The following FCHSD2 variants were observed in gnomAD, a reference collection of about 807,000 sequenced individuals.
FCHSD2 encodes the protein FCH and double SH3 domains 2.
FCHSD2 carries 38 observed loss-of-function variants against 108.1 expected under a neutral mutation model. The observed-to-expected ratio is 0.35, with a 90% CI of 0.27 to 0.46. The LOEUF is 0.46. Ranked by LOEUF, FCHSD2 falls within the 20% of genes least tolerant of loss-of-function variation. The pLI, the probability that FCHSD2 is intolerant of heterozygous loss-of-function variation, is 1.00. For missense variants in FCHSD2, 751 were observed against 897.8 expected, an observed-to-expected ratio of 0.84 and a Z score of 2.09; for synonymous variants, 279 against 314.7, an observed-to-expected ratio of 0.89 and a Z score of 1.20.
At chr11:72,996,088 G>A (rs2135412406) in intron 5 of FCHSD2, among the ~76,000 whole-genome samples, 1 of 152,236 alleles carries the variant, frequency 6.6e-6, no homozygotes, top group South Asian at 2.1e-4. Context: ...AAAGGAGTAA[G>A]AGAATTAAGT....
intron 3 of FCHSD2, among the ~76,000 whole-genome samples, chr11:73,071,277 A>G (rs1004257022): frequency 6.6e-6 from 1 of 152,164 alleles, no homozygotes; most frequent in African/African-American, 2.4e-5. Context: ...GAAATCTATA[A>G]TGGAGGCTGT....
intron 13 of FCHSD2, among the ~76,000 whole-genome samples, chr11:72,854,013 A>C (rs1297230631): frequency 6.6e-6 from 1 of 152,218 alleles, no homozygotes; most frequent in Non-Finnish European, 1.5e-5. Context: ...TCAAAACCAC[A>C]ATGAGATACC....
intron 3 of FCHSD2, among the ~76,000 whole-genome samples, chr11:73,035,529 CT>C (rs1858471878): frequency 6.6e-6 from 1 of 152,058 alleles, no homozygotes; most frequent in South Asian, 2.1e-4. Context: ...ATAGTACCTA[CT>C]TCATTGTTGC....
chr11:72,972,595 T>G (rs1317700092), intron 8 of FCHSD2, among the ~76,000 whole-genome samples: 2 of 152,250 alleles, frequency 1.3e-5, no homozygotes, highest in African/African-American at 2.4e-5. Context: ...GTTGTTCAAC[T>G]GCTAAAAATA....
intron 9 of FCHSD2, among the ~76,000 whole-genome samples, chr11:72,907,742 C>T (rs1320001367): frequency 6.6e-6 from 1 of 151,898 alleles, no homozygotes; most frequent in East Asian, 1.9e-4. Context: ...AGGCACCCGC[C>T]ACCACGCCTG....
At chr11:73,068,813 T>TAAAAAAAAAA (rs1237723120) in intron 3 of FCHSD2, among the ~76,000 whole-genome samples, 8 of 82,926 alleles carry the variant, frequency 9.6e-5, no homozygotes, top group Admixed American at 1.5e-4. Context: ...CTACAAAAAG[T>TAAAAAAAAAA]AAAAAAAAAA....
intron 9 of FCHSD2, among the ~76,000 whole-genome samples, chr11:72,904,874 G>A (rs995515180): frequency 6.6e-6 from 1 of 152,080 alleles, no homozygotes; most frequent in Non-Finnish European, 1.5e-5. Context: ...CTGTAGTCTG[G>A]GAAGAAATGA....
chr11:73,060,913 G>A (rs753038902), intron 3 of FCHSD2, among the ~76,000 whole-genome samples: 3 of 152,200 alleles, frequency 2.0e-5, no homozygotes, highest in Non-Finnish European at 4.4e-5. Context: ...AGATTCCCGT[G>A]TTCATGAAGG....
chr11:72,966,041 T>A (rs1422735999), intron 8 of FCHSD2, among the ~76,000 whole-genome samples: 1 of 152,220 alleles, frequency 6.6e-6, no homozygotes, highest in Non-Finnish European at 1.5e-5. Flanking sequence ...TGTTTATGGA[T>A]AAATTCCTGT....
At chr11:73,052,907 T>C (rs757913839) in intron 3 of FCHSD2, among the ~76,000 whole-genome samples, 1 of 152,092 alleles carries the variant, frequency 6.6e-6, no homozygotes. Flanking sequence ...AGAGCAGTGG[T>C]GTGGTGTCAG....
chr11:72,913,821 A>AC lies in FCHSD2; in HGVS notation c.828+8006dup, dbSNP rs201639046. Among the ~76,000 whole-genome samples the AC allele has an allele frequency of 5.1e-3, 739 of 144,542 alleles. 5 individuals carry two copies. The highest frequency in any genetic ancestry group is 0.014 in the African/African-American group (538 of 37,878). The allele number at this position is 144,542 out of a possible 152,430, so 94.8% of individuals were successfully genotyped here. On this transcript the variant is annotated intron_variant, in intron 9 of 19. Transcript: ENST00000409418. ...CTGATATACAAAAAAACCAAAAAAAACCCAAAAAAAAAACAAAAAAAAAAA... is the reference window on the plus strand; with the variant it reads ...CTGATATACAAAAAAACCAAAAAAAACCCCAAAAAAAAAACAAAAAAAAAAA...
intron 8 of FCHSD2, among the ~76,000 whole-genome samples, chr11:72,954,707 G>A (rs1856680037): frequency 6.6e-6 from 1 of 152,100 alleles, no homozygotes; most frequent in African/African-American, 2.4e-5. Flanking sequence ...GTCAGGAGAT[G>A]AGTAGTGTAC....
chr11:72,849,573 G>A (rs1308974280), intron 14 of FCHSD2, among the ~76,000 whole-genome samples, 182 bp downstream of exon 14: 1 of 152,174 alleles, frequency 6.6e-6, no homozygotes, highest in African/African-American at 2.4e-5. Flanking sequence ...CTAGGCAGAC[G>A]GAGTAGCAAG....
chr11:73,070,624 C>T (rs1000673853), intron 3 of FCHSD2, among the ~76,000 whole-genome samples: 10 of 151,918 alleles, frequency 6.6e-5, no homozygotes, highest in African/African-American at 2.4e-4. Context: ...TGGGGTTTCA[C>T]CATGCTGGCC....
intron 9 of FCHSD2, among the ~76,000 whole-genome samples, chr11:72,909,301 T>C (rs570773406): frequency 4.1e-4 from 63 of 152,280 alleles, no homozygotes; most frequent in African/African-American, 1.3e-3. Flanking sequence ...CCTCCTGAGG[T>C]GCTGGGATTG....
chr11:72,896,954 G>A (rs2135263663), intron 10 of FCHSD2, among the ~76,000 whole-genome samples: 1 of 151,950 alleles, frequency 6.6e-6, no homozygotes, highest in Non-Finnish European at 1.5e-5. Context: ...AGCCTCCCGA[G>A]TAGCTGGGAC....
intron 9 of FCHSD2, among the ~76,000 whole-genome samples, chr11:72,909,784 A>G (rs1246276279): frequency 6.8e-6 from 1 of 147,112 alleles, no homozygotes; most frequent in African/African-American, 2.6e-5. Context: ...GGAACTGAGG[A>G]GCACCTCTGC....
intron 8 of FCHSD2, among the ~76,000 whole-genome samples, chr11:72,978,854 CTTTTTTTT>C (rs1190277188): frequency 1.8e-5 from 2 of 110,858 alleles, no homozygotes; most frequent in Admixed American, 1.0e-4. Flanking sequence ...GTAGCTCTTT[CTTTTTTTT>C]TTTTTTTTTT....
chr11:73,122,932 G>A (rs1340388404), intron 2 of FCHSD2, among the ~76,000 whole-genome samples: 1 of 152,018 alleles, frequency 6.6e-6, no homozygotes, highest in Non-Finnish European at 1.5e-5. Context: ...ACTCTACAAC[G>A]CAGTTACATT....
Sources: allele counts gnomAD v4.1 joint callset (sites outside exome capture counted in the v4.1 genomes callset), GRCh38; gene constraint gnomAD v4.1.1; transcripts MANE v1.5; gene names NCBI Gene and HGNC (gene_info 2026-07-23, HGNC 2026-07-21).